The following CDH17 variants were observed in gnomAD, a reference collection of about 807,000 sequenced individuals.
CDH17 encodes the protein cadherin 17, also known as cadherin-17.
CDH17 carries 67 observed loss-of-function variants against 86.3 expected under a neutral mutation model. That is an observed-to-expected ratio of 0.78 (90% CI 0.64 to 0.95). The LOEUF (loss-of-function observed/expected upper bound fraction) is 0.95. Ranked by LOEUF, CDH17 falls within the 40% of genes least tolerant of loss-of-function variation. The probability of loss-of-function intolerance (pLI) is 0.00; values close to 1 mark genes in which losing one functional copy is unlikely to be tolerated. For synonymous variants in CDH17, 367 were observed against 366.4 expected (o/e 1.00, Z -0.02); for missense variants, 993 against 1,017.6 (o/e 0.98, Z 0.33).
chr8:94,204,909 C>T (rs190855393), intron 1 of CDH17, among the ~76,000 whole-genome samples: 1 of 152,296 alleles, frequency 6.6e-6, no homozygotes, highest in East Asian at 1.9e-4. Flanking sequence ...CTAGGGACAA[C>T]AGTGACTGTC....
intron 17 of CDH17, 23 bp downstream of exon 17, chr8:94,130,601 CTT>C (rs1273929106): frequency 6.0e-6 from 9 of 1,492,376 alleles, no homozygotes; most frequent in African/African-American, 1.4e-5. Context: ...GGATAAGACT[CTT>C]TGAATTAAGA....
At chr8:94,174,337 C>G in intron 5 of CDH17, 77 bp from the exon 6 acceptor site, 1 of 1,424,798 alleles carries the variant, frequency 7.0e-7, no homozygotes, top group Non-Finnish European at 9.5e-7. Context: ...GCTACTTTTT[C>G]CATCTAAAAA....
chr8:94,164,584 G>A (rs957822461), intron 10 of CDH17, among the ~76,000 whole-genome samples: 3 of 152,078 alleles, frequency 2.0e-5, no homozygotes, highest in South Asian at 4.2e-4. Context: ...CAAACATTCC[G>A]CATTAGGGCC....
chr8:94,145,953 G>C lies in CDH17; in HGVS notation c.2142C>G (p.Asn714Lys). ...CATTGATTTTGGAAACTTCCCAGTCGTTTTGTAAGCTTCCACTGCCGAGGG... is the reference window on the plus strand; with the variant it reads ...CATTGATTTTGGAAACTTCCCAGTCCTTTTGTAAGCTTCCACTGCCGAGGG... ...TFSLGSGSLQ[N>K]DWEVSKINGT... Residue 714 changes from asparagine (N) to lysine (K), a missense_variant, in exon 15 of 18, where the codon AAC (asparagine) becomes AAG (lysine). Transcript: ENST00000027335. The C allele has an allele frequency of 6.2e-7, 1 of 1,613,036 alleles. No homozygotes were observed.
At chr8:94,197,073 C>G (rs1813798559) in intron 1 of CDH17, among the ~76,000 whole-genome samples, 1 of 152,194 alleles carries the variant, frequency 6.6e-6, no homozygotes, top group African/African-American at 2.4e-5. Flanking sequence ...TCGGGCACCC[C>G]CCTCTATCTG....
chr8:94,191,115 G>A (rs1197664631), intron 2 of CDH17, among the ~76,000 whole-genome samples: 3 of 152,010 alleles, frequency 2.0e-5, no homozygotes, highest in Non-Finnish European at 4.4e-5. Context: ...AAATGAGAGG[G>A]GAAGTCCACT....
At chr8:94,142,177 C>A (rs75662439) in intron 15 of CDH17, among the ~76,000 whole-genome samples, 1 of 152,124 alleles carries the variant, frequency 6.6e-6, no homozygotes, top group Non-Finnish European at 1.5e-5. Context: ...TACCACACCC[C>A]CTATGCAAGC....
intron 1 of CDH17, among the ~76,000 whole-genome samples, chr8:94,203,642 C>T (rs116012444): frequency 8.2e-4 from 125 of 152,266 alleles, no homozygotes; most frequent in African/African-American, 2.8e-3. Flanking sequence ...TTTAGAGAAC[C>T]GCAGAAGCAT....
intron 1 of CDH17, among the ~76,000 whole-genome samples, chr8:94,215,731 C>T (rs1484331463): frequency 6.6e-6 from 1 of 152,172 alleles, no homozygotes; most frequent in Non-Finnish European, 1.5e-5. Context: ...TGAAATTGAA[C>T]TGACATAAAT....
intron 2 of CDH17, among the ~76,000 whole-genome samples, chr8:94,191,800 G>GC (rs1468818663): frequency 6.6e-6 from 1 of 152,122 alleles, no homozygotes; most frequent in Non-Finnish European, 1.5e-5. Flanking sequence ...CAGACTTCTA[G>GC]CCCATCTCCT....
chr8:94,203,129 C>G (rs577423947), intron 1 of CDH17: 1 of 156,942 alleles, frequency 6.4e-6, no homozygotes, highest in Non-Finnish European at 1.4e-5. Context: ...GGAGTTTCTA[C>G]GTCCCAGATC....
chr8:94,168,793 T>A (rs1586257251), intron 9 of CDH17, among the ~76,000 whole-genome samples: 1 of 152,206 alleles, frequency 6.6e-6, no homozygotes, highest in Middle Eastern at 3.4e-3. Context: ...CATCTCCTGA[T>A]ATTTGTGCTT....
chr8:94,138,694 C>T (rs531380628), intron 15 of CDH17, among the ~76,000 whole-genome samples: 26 of 152,224 alleles, frequency 1.7e-4, no homozygotes, highest in Admixed American at 6.5e-4. Context: ...GAGAACACAG[C>T]GCTCACAAAG....
chr8:94,178,221 T>G (rs1418768737), intron 3 of CDH17, among the ~76,000 whole-genome samples: 1 of 152,174 alleles, frequency 6.6e-6, no homozygotes, highest in African/African-American at 2.4e-5. Context: ...GACCACCATA[T>G]TCATAGATAT....
At chr8:94,143,065 C>G (rs1211408727) in intron 15 of CDH17, among the ~76,000 whole-genome samples, 3 of 152,190 alleles carry the variant, frequency 2.0e-5, no homozygotes, top group Non-Finnish European at 4.4e-5. Context: ...TTACTTTGCC[C>G]AGATCCATCA....
chr8:94,163,936 G>A (rs1465221056), intron 10 of CDH17, among the ~76,000 whole-genome samples: 2 of 152,048 alleles, frequency 1.3e-5, no homozygotes, highest in African/African-American at 2.4e-5. Flanking sequence ...GGCCTTCCCT[G>A]GTTTTATGTA....
intron 14 of CDH17, among the ~76,000 whole-genome samples, chr8:94,148,241 T>G (rs1224243604): frequency 6.6e-6 from 1 of 152,076 alleles, no homozygotes; most frequent in Non-Finnish European, 1.5e-5. Context: ...GTTTTTCACC[T>G]TTAACAAAAC....
intron 2 of CDH17, among the ~76,000 whole-genome samples, chr8:94,193,364 A>T (rs1225211632): frequency 3.3e-5 from 5 of 152,222 alleles, no homozygotes; most frequent in Non-Finnish European, 5.9e-5. Flanking sequence ...GTACACACTG[A>T]ACACTTAAAA....
intron 15 of CDH17, among the ~76,000 whole-genome samples, chr8:94,139,294 A>G (rs1812591274): frequency 3.3e-5 from 5 of 152,158 alleles, no homozygotes; most frequent in Admixed American, 3.3e-4. Context: ...AAAGCTATCC[A>G]AAAAGAAATA....
Sources: gnomAD v4.1 joint callset for allele counts (sites outside exome capture counted in the v4.1 genomes callset) on GRCh38, gnomAD v4.1.1 for gene constraint, MANE v1.5 for transcripts, NCBI Gene and HGNC (gene_info 2026-07-23, HGNC 2026-07-21) for gene names.